Variants in ADAM23 observed in about 807,000 individuals in gnomAD.
The protein encoded by ADAM23 is ADAM metallopeptidase domain 23.
Under a neutral mutation model 120.1 loss-of-function variants are expected in ADAM23, and 33 were observed. The observed-to-expected ratio is 0.27, with a 90% CI of 0.21 to 0.37. The LOEUF is 0.37. Among genes scored for constraint, ADAM23 ranks in the 10% least tolerant of loss-of-function variants. ADAM23 has a pLI of 1.00. For synonymous variants in ADAM23, 367 were observed against 375.2 expected (o/e 0.98, Z 0.25); for missense variants, 862 against 1,058.2 (o/e 0.81, Z 2.57).
At chr2:206,479,300 A>G (rs945239773) in intron 2 of ADAM23, among the ~76,000 whole-genome samples, 1 of 152,088 alleles carries the variant, frequency 6.6e-6, no homozygotes, top group African/African-American at 2.4e-5. Flanking sequence ...CACATCACTT[A>G]TTTGCTATAA....
At chr2:206,596,197 T>G (rs1416148842) in intron 24 of ADAM23, 35 bp downstream of exon 24, 3 of 1,501,006 alleles carry the variant, frequency 2.0e-6, no homozygotes, top group South Asian at 2.3e-5. Context: ...CATGGAATAC[T>G]GAATTCGTTG....
intron 3 of ADAM23, among the ~76,000 whole-genome samples, chr2:206,529,826 T>TC (rs1368989990): frequency 6.6e-6 from 1 of 151,914 alleles, no homozygotes; most frequent in Non-Finnish European, 1.5e-5. Flanking sequence ...TACATTTTTT[T>TC]TTTGAGATGG....
At chr2:206,554,749 A>G (rs1455975054) in intron 9 of ADAM23, among the ~76,000 whole-genome samples, 1 of 152,154 alleles carries the variant, frequency 6.6e-6, no homozygotes, top group Non-Finnish European at 1.5e-5. Context: ...AACCCACCTC[A>G]TAGAGTTGTG....
intron 3 of ADAM23, among the ~76,000 whole-genome samples, chr2:206,516,342 C>G (rs751446497): frequency 6.6e-6 from 1 of 151,124 alleles, no homozygotes; most frequent in African/African-American, 2.4e-5. Context: ...TCTAACATTC[C>G]ACAAAAGAAT....
chr2:206,478,561 T>G (rs1695831561), intron 2 of ADAM23, among the ~76,000 whole-genome samples: 1 of 152,024 alleles, frequency 6.6e-6, no homozygotes, highest in South Asian at 2.1e-4. Flanking sequence ...CCAGAAATGG[T>G]GCTGAGTGAG....
chr2:206,594,899 C>A lies in ADAM23; in HGVS notation c.2241C>A (p.Gly747=), dbSNP rs1203974698. 4 of 1,613,936 alleles carry A rather than the reference C, an allele frequency of 2.5e-6. No homozygotes were observed. Among genetic ancestry groups the A allele is most frequent in the African/African-American group, 1.3e-5 (1 of 74,894 alleles). The change falls in exon 23 of 26, where the codon GGC becomes GGA. Residue 747 remains glycine (G), a synonymous_variant. Coordinates refer to ENST00000264377, the MANE Select transcript of ADAM23 (RefSeq NM_003812.4). ...PLDSKGKVCS[G]HGVCSNEATC... Reference sequence around the variant, plus strand: ...ATTCCAAGGGTAAAGTCTGTTCGGGCCATGGGGTAAGTAGGTATCAATGTG... The same window carrying A: ...ATTCCAAGGGTAAAGTCTGTTCGGGACATGGGGTAAGTAGGTATCAATGTG...
intron 20 of ADAM23, among the ~76,000 whole-genome samples, chr2:206,588,796 A>G (rs1028558537): frequency 6.6e-6 from 1 of 152,234 alleles, no homozygotes; most frequent in African/African-American, 2.4e-5. Context: ...CCCCAAAGGA[A>G]AAGAAAGCAC....
intron 9 of ADAM23, among the ~76,000 whole-genome samples, chr2:206,553,658 G>A (rs1024851262): frequency 6.6e-6 from 1 of 151,962 alleles, no homozygotes; most frequent in African/African-American, 2.4e-5. Context: ...TTTGAGGTAT[G>A]CTTTCTATGA....
At chr2:206,539,164 A>G (rs1179266292) in intron 4 of ADAM23, among the ~76,000 whole-genome samples, 1 of 152,190 alleles carries the variant, frequency 6.6e-6, no homozygotes, top group African/African-American at 2.4e-5. Context: ...GTGTTCAGCT[A>G]TGTGCAAGTA....
At chr2:206,538,595 TC>T (rs1241934353) in intron 4 of ADAM23, among the ~76,000 whole-genome samples, 1 of 152,204 alleles carries the variant, frequency 6.6e-6, no homozygotes, top group East Asian at 1.9e-4. Context: ...ACTATCAATG[TC>T]CAGGTTTTTG....
At chr2:206,445,936 C>G (rs1281110568) in intron 2 of ADAM23, among the ~76,000 whole-genome samples, 1 of 152,192 alleles carries the variant, frequency 6.6e-6, no homozygotes, top group Non-Finnish European at 1.5e-5. Flanking sequence ...CTTCAAGAAG[C>G]TATTTGGCTG....
chr2:206,508,737 A>G (rs1483190091), intron 3 of ADAM23, among the ~76,000 whole-genome samples: 1 of 152,058 alleles, frequency 6.6e-6, no homozygotes, highest in African/African-American at 2.4e-5. Context: ...AATATCACCT[A>G]ATGAAGCTAA....
chr2:206,565,323 G>A (rs546772688), intron 14 of ADAM23, among the ~76,000 whole-genome samples: 7 of 152,018 alleles, frequency 4.6e-5, no homozygotes, highest in Admixed American at 1.3e-4. Flanking sequence ...ATGATTAAAG[G>A]CTTCTAAGTT....
intron 6 of ADAM23, among the ~76,000 whole-genome samples, chr2:206,543,640 A>G (rs1284115246): frequency 1.3e-5 from 2 of 152,180 alleles, no homozygotes; most frequent in African/African-American, 4.8e-5. Context: ...AAGTCATTAT[A>G]TGAAAAAGAT....
chr2:206,469,409 T>C (rs1246270930), intron 2 of ADAM23, among the ~76,000 whole-genome samples: 1 of 152,188 alleles, frequency 6.6e-6, no homozygotes, highest in East Asian at 1.9e-4. Context: ...GACTTTGCCT[T>C]CACTATCTTC....
chr2:206,473,369 T>G (rs913520172), intron 2 of ADAM23, among the ~76,000 whole-genome samples: 4 of 152,026 alleles, frequency 2.6e-5, no homozygotes, highest in African/African-American at 9.7e-5. Flanking sequence ...CTCCACAAAT[T>G]CAAATGCGCT....
At chr2:206,537,433 G>T (rs1433875245) in intron 4 of ADAM23, among the ~76,000 whole-genome samples, 3 of 152,022 alleles carry the variant, frequency 2.0e-5, no homozygotes, top group Non-Finnish European at 4.4e-5. Context: ...AGTAAGGGAG[G>T]GTGGGCCCTG....
At chr2:206,536,077 A>G (rs937035748) in intron 4 of ADAM23, among the ~76,000 whole-genome samples, 1 of 152,240 alleles carries the variant, frequency 6.6e-6, no homozygotes, top group African/African-American at 2.4e-5. Flanking sequence ...TGGTCTTGTC[A>G]CATATGCTCA....
At chr2:206,599,698 G>A (rs569154174) in intron 24 of ADAM23, among the ~76,000 whole-genome samples, 2 of 152,310 alleles carry the variant, frequency 1.3e-5, no homozygotes, top group South Asian at 2.1e-4. Flanking sequence ...TTGGCACACA[G>A]ACACTCCATA....
Sources: gnomAD v4.1 joint callset for allele counts (sites outside exome capture counted in the v4.1 genomes callset) on GRCh38, gnomAD v4.1.1 for gene constraint, MANE v1.5 for transcripts, NCBI Gene and HGNC (gene_info 2026-07-23, HGNC 2026-07-21) for gene names.